Variants in NID2 observed in about 807,000 individuals in gnomAD.
The protein encoded by NID2 is nidogen-2.
Under a neutral mutation model 145.4 loss-of-function variants are expected in NID2, and 83 were observed. That is an observed-to-expected ratio of 0.57 (90% CI 0.48 to 0.69). NID2 has a LOEUF of 0.69. Ranked by LOEUF, NID2 falls within the 30% of genes least tolerant of loss-of-function variation. NID2 has a pLI of 0.00. For missense variants in NID2, 1,807 were observed against 1,765.7 expected, an observed-to-expected ratio of 1.02 and a Z score of -0.42; for synonymous variants, 739 against 701.3, an observed-to-expected ratio of 1.05 and a Z score of -0.85.
At chr14:52,013,791 G>C (rs1241974372) in intron 16 of NID2, among the ~76,000 whole-genome samples, 2 of 152,102 alleles carry the variant, frequency 1.3e-5, no homozygotes, top group African/African-American at 4.8e-5. Flanking sequence ...GGAAAGAAGT[G>C]GGTCAAAGGG....
intron 12 of NID2, among the ~76,000 whole-genome samples, chr14:52,022,463 T>C (rs1036276044): frequency 7.9e-5 from 12 of 152,086 alleles, no homozygotes; most frequent in Admixed American, 2.6e-4. Context: ...GGACATCAGA[T>C]GTCAAGAGAG....
At position 52,010,881 on chromosome 14, in the gene NID2, G is replaced by T. The variant is rs1259800757; in HGVS notation, c.3717C>A (p.Ile1239=). 1.2e-6 allele frequency: 2 copies of T among 1,612,358 alleles called. No homozygotes were observed. Among genetic ancestry groups the T allele is most frequent in the Non-Finnish European group, 1.7e-6 (2 of 1,179,356 alleles). The stretch of plus-strand genomic sequence containing the variant: ...ATTAGGGAAGCCCAGCTGACCCTCG[G>T]ATTGGATCCACAGCGATGGCACGGG... ...VNPRAIAVDP[I]RGNLYWTDWN... Residue 1239 remains isoleucine, a synonymous_variant, in exon 18 of 22, where the codon ATC becomes ATA. Coordinates refer to ENST00000216286, the MANE Select transcript of NID2 (RefSeq NM_007361.4).
intron 9 of NID2, among the ~76,000 whole-genome samples, chr14:52,037,024 T>A (rs577012571): frequency 3.9e-5 from 6 of 152,342 alleles, no homozygotes; most frequent in African/African-American, 1.4e-4. Flanking sequence ...CTTGTGCTTT[T>A]AGTGTCGTAC....
rs183788962 is a variant in NID2 at position 52,038,845 on chromosome 14, G to A, written c.2159C>T (p.Thr720Ile). 26 of 1,614,132 alleles carry A rather than the reference G, an allele frequency of 1.6e-5. No homozygotes were observed. In the East Asian group the frequency reaches 5.3e-4, roughly 33 times the overall value. Residue 720 changes from threonine (T) to isoleucine (I), a missense_variant, in exon 9 of 22, where the codon ACC becomes ATC. By Grantham distance (89) the Thr-to-Ile change is moderately conservative (BLOSUM62 -1). Coordinates refer to ENST00000216286, the MANE Select transcript of NID2 (RefSeq NM_007361.4). ...RHAPRHPSFP[T>I]TQQLNVDRVF... The stretch of plus-strand genomic sequence containing the variant: ...CCGGTCCACGTTCAGCTGCTGGGTG[G>A]TGGGGAAGGACGGGTGTCTGGGGGC...
intron 5 of NID2, among the ~76,000 whole-genome samples, chr14:52,049,890 C>T (rs891420956): frequency 7.2e-5 from 11 of 152,032 alleles, no homozygotes; most frequent in African/African-American, 2.2e-4. Context: ...CATCGGGGGG[C>T]GGCGGCTCCT....
rs1419198602 is a variant in NID2, at chr14:52,042,209, T to C, written c.1721A>G (p.Gln574Arg). The C allele has an allele frequency of 1.2e-6, 2 of 1,614,254 alleles. No individual in the cohort carries two copies. The highest frequency in any genetic ancestry group is 2.2e-5 in the South Asian group (2 of 91,088). ...GGGGAGGAGGGCCTGGGCTGCTGGC[T>C]GTGGGATGTGGCTGATGGCCGTGTA... ...RAYTAISHIP[Q>R]PAAQALLPLT... The change falls in exon 7 of 22, where the codon CAG (glutamine) becomes CGG (arginine). Residue 574 changes from glutamine to arginine, a missense_variant. Transcript: ENST00000216286.
intron 5 of NID2, among the ~76,000 whole-genome samples, chr14:52,047,870 G>T (rs1300685862): frequency 1.3e-5 from 2 of 152,134 alleles, no homozygotes; most frequent in Non-Finnish European, 2.9e-5. Flanking sequence ...ACGGAGAGCT[G>T]CATTTCTCCC....
chr14:52,024,672 G>C (rs1003826774), intron 12 of NID2, among the ~76,000 whole-genome samples: 5 of 152,144 alleles, frequency 3.3e-5, no homozygotes, highest in African/African-American at 1.2e-4. Context: ...TACACTGGGG[G>C]AAGCACCTGA....
At chr14:52,007,116 T>C (rs918518315) in intron 19 of NID2, 1 of 154,630 alleles carries the variant, frequency 6.5e-6, no homozygotes, top group African/African-American at 2.4e-5. Context: ...CATATTTCAA[T>C]GTAAAGGAAT....
At chr14:52,008,946 A>T (rs559859573) in intron 18 of NID2, 1 of 152,366 alleles carries the variant, frequency 6.6e-6, no homozygotes, top group South Asian at 2.1e-4. Context: ...TAACGAGGAA[A>T]TATGGTCCTA....
At chr14:52,065,940 T>C (rs1174820253) in intron 2 of NID2, among the ~76,000 whole-genome samples, 3 of 147,490 alleles carry the variant, frequency 2.0e-5, no homozygotes, top group Admixed American at 6.8e-5. Flanking sequence ...GTCTTTGCTA[T>C]TGTGAATAGT....
chr14:52,020,373 G>T lies in NID2; in HGVS notation c.2675-195C>A, dbSNP rs141844678. ...ATAGAAAGGAAGAAAAAAAATCAAG[G>T]AACATGTGAGTTAACACACTAGACT... is the stretch of plus-strand genomic sequence containing the variant. On this transcript the variant is annotated intron_variant, in intron 12 of 21. Coordinates refer to ENST00000216286, the MANE Select transcript of NID2 (RefSeq NM_007361.4). The T allele has an allele frequency of 4.9e-3, 3,838 of 780,076 alleles. 21 individuals carry two copies. Among genetic ancestry groups the T allele is most frequent in the Non-Finnish European group, 6.0e-3 (3,205 of 530,684 alleles). 48.3% of individuals were successfully genotyped at this position (780,076 alleles called of 1,614,324 possible). A position where few individuals can be genotyped will look rare whatever the true frequency, so the allele number is the denominator to read the frequency against.
chr14:52,052,394 C>G (rs1054479104), intron 5 of NID2, among the ~76,000 whole-genome samples: 1 of 152,170 alleles, frequency 6.6e-6, no homozygotes, highest in Non-Finnish European at 1.5e-5. Flanking sequence ...AGTGCAGACA[C>G]GAAGCCAAGA....
intron 12 of NID2, among the ~76,000 whole-genome samples, chr14:52,024,217 A>G (rs1430628424): frequency 6.6e-6 from 1 of 152,204 alleles, no homozygotes; most frequent in Non-Finnish European, 1.5e-5. Context: ...ACCTAGTGGT[A>G]TTCATGGTCT....
chr14:52,030,781 C>T (rs1891834483), intron 9 of NID2, among the ~76,000 whole-genome samples: 1 of 152,060 alleles, frequency 6.6e-6, no homozygotes, highest in Non-Finnish European at 1.5e-5. Flanking sequence ...AGCCCAGGAG[C>T]TTAAGCTTGC....
chr14:52,008,220 G>T (rs1890870193), intron 18 of NID2: 2 of 348,160 alleles, frequency 5.7e-6, no homozygotes, highest in Non-Finnish European at 1.0e-5. Flanking sequence ...CTCCCTTTGA[G>T]GGAAGCTGGA....
At chr14:52,018,269 G>A (rs1172322203) in intron 14 of NID2, among the ~76,000 whole-genome samples, 1 of 152,202 alleles carries the variant, frequency 6.6e-6, no homozygotes, top group Non-Finnish European at 1.5e-5. Flanking sequence ...AATCATTTTG[G>A]CTAAAACGGT....
chr14:52,058,474 G>C (rs1892923864), intron 3 of NID2, among the ~76,000 whole-genome samples: 1 of 152,150 alleles, frequency 6.6e-6, no homozygotes. Context: ...ATCTTACTCT[G>C]CTTTCGCCAA....
At chr14:52,023,124 T>C (rs1164034492) in intron 12 of NID2, among the ~76,000 whole-genome samples, 1 of 152,152 alleles carries the variant, frequency 6.6e-6, no homozygotes, top group Non-Finnish European at 1.5e-5. Flanking sequence ...CTACCTACAT[T>C]CTTGGAACAG....
Sources: gnomAD v4.1 joint callset for allele counts (sites outside exome capture counted in the v4.1 genomes callset) on GRCh38, gnomAD v4.1.1 for gene constraint, MANE v1.5 for transcripts, NCBI Gene and HGNC (gene_info 2026-07-23, HGNC 2026-07-21) for gene names.